ERBB4: variants seen among roughly 807,000 people sequenced by gnomAD.
ERBB4 encodes receptor tyrosine-protein kinase erbB-4.
A neutral mutation model predicts 158.0 loss-of-function variants in ERBB4; 42 were observed. The observed-to-expected ratio is 0.27, with a 90% CI of 0.21 to 0.34. ERBB4 has a LOEUF of 0.34. Ranked by LOEUF, ERBB4 falls within the 10% of genes least tolerant of loss-of-function variation. ERBB4 has a pLI of 1.00. For synonymous variants in ERBB4, 583 were observed against 558.7 expected (o/e 1.04, Z -0.61); for missense variants, 1,333 against 1,624.1 (o/e 0.82, Z 3.08).
intron 2 of ERBB4, among the ~76,000 whole-genome samples, chr2:211,984,306 G>T (rs772480176): frequency 4.6e-5 from 7 of 152,036 alleles, no homozygotes; most frequent in Non-Finnish European, 8.8e-5. Flanking sequence ...CCAGGAATTA[G>T]GTTCTAATGT....
intron 2 of ERBB4, among the ~76,000 whole-genome samples, chr2:212,063,647 T>C (rs2077848919): frequency 6.6e-6 from 1 of 152,002 alleles, no homozygotes; most frequent in East Asian, 1.9e-4. Flanking sequence ...AACATAATAA[T>C]TTAAAATTTA....
intron 1 of ERBB4, among the ~76,000 whole-genome samples, chr2:212,272,767 TG>T (rs1293607536): frequency 6.6e-6 from 1 of 151,850 alleles, no homozygotes; most frequent in Non-Finnish European, 1.5e-5. Context: ...AAGATTCTAC[TG>T]TTTTTTAAAA....
intron 20 of ERBB4, among the ~76,000 whole-genome samples, chr2:211,513,371 A>G (rs958140095): frequency 7.4e-6 from 1 of 135,474 alleles, no homozygotes; most frequent in Admixed American, 7.0e-5. Context: ...AAAAAAAAAA[A>G]AAAAACAAAA....
Position 211,380,623 on chromosome 2 carries a change from T to C in ERBB4, c.*2992A>G, listed in dbSNP as rs2062559094. ...TCTCCCTCTTATACATGCTGAAATA[T>C]GTTTTCCCAGGGGGGACAAAAATAA... On this transcript the variant is annotated 3_prime_UTR_variant, in exon 28 of 28. Coordinates refer to ENST00000342788, the MANE Select transcript of ERBB4 (RefSeq NM_005235.3). 4.3e-6 allele frequency: 1 copy of C among 232,090 alleles called. No individual in the cohort carries two copies. Among genetic ancestry groups the C allele is most frequent in the Non-Finnish European group, 8.5e-6 (1 of 117,360 alleles). 14.4% of individuals were successfully genotyped at this position (232,090 alleles called of 1,614,324 possible).
At chr2:212,177,652 A>T (rs2081713942) in intron 1 of ERBB4, among the ~76,000 whole-genome samples, 1 of 151,808 alleles carries the variant, frequency 6.6e-6, no homozygotes, top group Non-Finnish European at 1.5e-5. Flanking sequence ...TTCACAATAC[A>T]CCAGCTGTTC....
At chr2:212,107,335 T>C (rs958763579) in intron 2 of ERBB4, among the ~76,000 whole-genome samples, 2 of 152,072 alleles carry the variant, frequency 1.3e-5, no homozygotes, top group Non-Finnish European at 2.9e-5. Context: ...AGCTTTAAGA[T>C]TTGGTTGCCC....
chr2:212,217,799 A>G lies in ERBB4; in HGVS notation c.83-92896T>C, dbSNP rs548959965. On this transcript the variant is annotated intron_variant, in intron 1 of 27. Transcript: ENST00000342788. ...TTATAATTTAATTAAGCTTCCGTAT[A>G]TTAATTTATAAAATGAGATTACAAG... Among the ~76,000 whole-genome samples the G allele has an allele frequency of 6.6e-5, 10 of 151,476 alleles. No homozygotes were observed. In the East Asian group the frequency reaches 1.5e-3, roughly 23 times the overall value.
intron 2 of ERBB4, among the ~76,000 whole-genome samples, chr2:212,062,396 A>ATTTTTTTTTTTTTTTTTTTTT (rs1559419685): frequency 1.0e-5 from 1 of 96,536 alleles, no homozygotes; most frequent in Admixed American, 1.3e-4. Flanking sequence ...TCACTTGTCA[A>ATTTTTTTTTTTTTTTTTTTTT]TTCTTTTTTT....
chr2:212,216,347 T>C (rs1250129629), intron 1 of ERBB4, among the ~76,000 whole-genome samples: 1 of 151,498 alleles, frequency 6.6e-6, no homozygotes, highest in Middle Eastern at 3.4e-3. Context: ...ACAGTAAATC[T>C]ATTTAAAATA....
At chr2:211,622,201 G>T (rs945982881) in intron 18 of ERBB4, among the ~76,000 whole-genome samples, 4 of 152,108 alleles carry the variant, frequency 2.6e-5, no homozygotes, top group South Asian at 2.1e-4. Flanking sequence ...AAATACAATT[G>T]CAGTAAATAG....
intron 5 of ERBB4, among the ~76,000 whole-genome samples, chr2:211,731,701 C>T (rs1187068591): frequency 2.6e-5 from 4 of 152,014 alleles, no homozygotes; most frequent in Non-Finnish European, 4.4e-5. Context: ...AAACTGAACA[C>T]TTTGGGTTGT....
chr2:211,776,640 G>A (rs375320813), intron 4 of ERBB4, among the ~76,000 whole-genome samples: 17 of 152,256 alleles, frequency 1.1e-4, no homozygotes, highest in East Asian at 9.7e-4. Context: ...CATGGAATAC[G>A]TAAGTGAAAA....
chr2:212,267,297 T>C (rs1391465403), intron 1 of ERBB4, among the ~76,000 whole-genome samples: 1 of 151,854 alleles, frequency 6.6e-6, no homozygotes, highest in African/African-American at 2.4e-5. Context: ...AAAATTACCA[T>C]TTACCATTTT....
chr2:211,839,022 T>G (rs1225579056), intron 3 of ERBB4, among the ~76,000 whole-genome samples: 2 of 152,126 alleles, frequency 1.3e-5, no homozygotes, highest in African/African-American at 4.8e-5. Flanking sequence ...TCTTAAATGT[T>G]TAATACAACA....
chr2:212,431,320 A>AAAC (rs1553638841), intron 1 of ERBB4, among the ~76,000 whole-genome samples: 5 of 150,966 alleles, frequency 3.3e-5, no homozygotes, highest in African/African-American at 7.3e-5. Flanking sequence ...AAAAAAAAAA[A>AAAC]AAAAAAAAAA....
At position 211,376,273 on chromosome 2, in the gene ERBB4, C is replaced by T. The variant is rs191148684; in HGVS notation, c.*7342G>A. 5 of 232,992 alleles carry T rather than the reference C, an allele frequency of 2.1e-5. No homozygotes were observed. Among genetic ancestry groups the T allele is most frequent in the East Asian group, 1.2e-4 (2 of 16,476 alleles). The allele number at this position is 232,992 out of a possible 1,614,324, so 14.4% of individuals were successfully genotyped here. ...CAACCAAAAAAGAAACAATCACAGG[C>T]CAATTACTTATATACAAATCAACCC... On this transcript the variant is annotated 3_prime_UTR_variant, in exon 28 of 28. Coordinates refer to ENST00000342788, the MANE Select transcript of ERBB4 (RefSeq NM_005235.3).
At chr2:211,785,140 TC>T (rs1330322999) in intron 4 of ERBB4, among the ~76,000 whole-genome samples, 1 of 151,548 alleles carries the variant, frequency 6.6e-6, no homozygotes, top group East Asian at 1.9e-4. Flanking sequence ...TCTCACTCTG[TC>T]CCCAGGCTGG....
intron 1 of ERBB4, among the ~76,000 whole-genome samples, chr2:212,191,858 CTA>C (rs1412772045): frequency 3.9e-5 from 4 of 103,068 alleles, no homozygotes; most frequent in East Asian, 2.5e-4. Context: ...TATATATGTT[CTA>C]TATATTATAT....
intron 20 of ERBB4, among the ~76,000 whole-genome samples, chr2:211,466,932 G>A (rs552430689): frequency 1.8e-4 from 27 of 151,922 alleles, no homozygotes; most frequent in South Asian, 1.5e-3. Flanking sequence ...TATGAAATAC[G>A]TGGTAAGTGG....
Sources: allele counts gnomAD v4.1 joint callset (sites outside exome capture counted in the v4.1 genomes callset), GRCh38; gene constraint gnomAD v4.1.1; transcripts MANE v1.5; gene names NCBI Gene and HGNC (gene_info 2026-07-23, HGNC 2026-07-21).